Variants in ELMOD1 observed in about 807,000 individuals in gnomAD.
ELMOD1 encodes ELMO domain containing 1.
In ELMOD1, 21 loss-of-function variants were observed where a neutral mutation model predicts 46.7. The ratio of observed to expected loss-of-function variants is 0.45; its 90% CI spans 0.32 to 0.65. The LOEUF (loss-of-function observed/expected upper bound fraction) is 0.65. ELMOD1 is among the 30% of genes least tolerant of loss of function. The probability of loss-of-function intolerance (pLI) is 0.04; values close to 1 mark genes in which losing one functional copy is unlikely to be tolerated. For synonymous variants in ELMOD1, 122 were observed against 138.2 expected (o/e 0.88, Z 0.82); for missense variants, 348 against 407.8 (o/e 0.85, Z 1.26).
rs569909431 is a variant in ELMOD1, at chr11:107,625,542, C to T, written c.18-4875C>T. The T allele has an allele frequency of 5.1e-6, 5 of 985,360 alleles. No individual in the cohort carries two copies. The South Asian group carries it at 1.4e-4, about 28-fold the overall frequency. The allele number at this position is 985,360 out of a possible 1,614,324, so 61.0% of individuals were successfully genotyped here. A position where few individuals can be genotyped will look rare whatever the true frequency, so the allele number is the denominator to read the frequency against. On this transcript the variant is annotated intron_variant, in intron 2 of 11. Transcript: ENST00000265840. ...TAGTGTTGCATTACAGGTACCCACA[C>T]CCCCTCACCCCACAGGCAAGGGGCT...
At chr11:107,642,155 G>C (rs985081197) in intron 6 of ELMOD1, among the ~76,000 whole-genome samples, 26 of 151,752 alleles carry the variant, frequency 1.7e-4, no homozygotes, top group African/African-American at 6.3e-4. Flanking sequence ...TCTTAGCCAG[G>C]CTGATCTTGA....
chr11:107,621,119 T>G (rs1421148151), intron 2 of ELMOD1, among the ~76,000 whole-genome samples: 1 of 152,242 alleles, frequency 6.6e-6, no homozygotes, highest in Non-Finnish European at 1.5e-5. Context: ...TTTAAAGTTA[T>G]CAGAACATGA....
chr11:107,643,506 A>T (rs1207593708), intron 6 of ELMOD1: 1 of 375,072 alleles, frequency 2.7e-6, no homozygotes, highest in East Asian at 7.2e-5. Flanking sequence ...CAGCACCATC[A>T]AGTCTGTGTC....
intron 7 of ELMOD1, 89 bp from the exon 8 acceptor site, chr11:107,650,246 A>C: frequency 1.1e-6 from 1 of 929,152 alleles, no homozygotes. Flanking sequence ...CCATCTCTGG[A>C]TTCAAAATGA....
chr11:107,645,468 C>T (rs1340883451), intron 6 of ELMOD1, among the ~76,000 whole-genome samples: 1 of 152,082 alleles, frequency 6.6e-6, no homozygotes, highest in African/African-American at 2.4e-5. Context: ...GGATTATAGG[C>T]GCGGGCCACC....
At chr11:107,649,865 T>C (rs1484568631) in intron 7 of ELMOD1, among the ~76,000 whole-genome samples, 1 of 152,232 alleles carries the variant, frequency 6.6e-6, no homozygotes, top group Non-Finnish European at 1.5e-5. Context: ...AACATATCTA[T>C]GCTCAGTAAG....
intron 11 of ELMOD1, among the ~76,000 whole-genome samples, 193 bp downstream of exon 11, chr11:107,656,259 G>A (rs1379492005): frequency 4.6e-5 from 7 of 151,456 alleles, no homozygotes; most frequent in Non-Finnish European, 8.8e-5. Context: ...ATGGTGATGC[G>A]CACCTGTAAT....
chr11:107,649,672 T>C (rs1866492124), intron 7 of ELMOD1, among the ~76,000 whole-genome samples: 1 of 152,198 alleles, frequency 6.6e-6, no homozygotes, highest in African/African-American at 2.4e-5. Flanking sequence ...TTCAAGAACT[T>C]CTTTTACCCT....
chr11:107,626,713 A>G (rs930995215), intron 2 of ELMOD1, among the ~76,000 whole-genome samples: 2 of 150,048 alleles, frequency 1.3e-5, no homozygotes, highest in Non-Finnish European at 3.0e-5. Flanking sequence ...GCATTTACAG[A>G]TCTATTTCTT....
intron 4 of ELMOD1, among the ~76,000 whole-genome samples, 180 bp from the exon 5 acceptor site, chr11:107,631,400 C>CA (rs1210343981): frequency 3.3e-5 from 2 of 61,166 alleles, no homozygotes; most frequent in African/African-American, 1.9e-4. Context: ...TTGCACTACC[C>CA]CCCCCCCCAT....
chr11:107,644,274 C>A (rs1296229385), intron 6 of ELMOD1, among the ~76,000 whole-genome samples: 3 of 149,458 alleles, frequency 2.0e-5, no homozygotes, highest in South Asian at 4.3e-4. Context: ...CCAGCCTGGG[C>A]GGCAGAGTGA....
rs1291561893 is a variant in ELMOD1, at chr11:107,635,709, C to T, written c.364C>T (p.Leu122=). The change falls in exon 6 of 12, where the codon CTG becomes TTG. Residue 122 remains leucine (L), a synonymous_variant. Coordinates refer to ENST00000265840, the MANE Select transcript of ELMOD1 (RefSeq NM_018712.4). ...YRNLIADVEK[L]RREAYDSDNP... ...GAACCTTATTGCAGATGTGGAAAAA[C>T]TGCGTAGAGAGGCCTATGATTCTGA... 8.1e-6 allele frequency: 13 copies of T among 1,613,838 alleles called. No individual in the cohort carries two copies. Among genetic ancestry groups the T allele is most frequent in the Non-Finnish European group, 1.1e-5 (13 of 1,179,880 alleles).
chr11:107,665,179 A>T lies in ELMOD1; in HGVS notation c.987A>T (p.Glu329Asp), dbSNP rs751188558. 7 of 1,613,952 alleles carry T rather than the reference A, an allele frequency of 4.3e-6. No individual in the cohort carries two copies. Among genetic ancestry groups the T allele is most frequent in the Non-Finnish European group, 5.9e-6 (7 of 1,179,872 alleles). ...MALCPHFAASEGLINM is the reference protein window; with the variant it reads ...MALCPHFAASDGLINM ...TGTGCCCACATTTTGCTGCCTCGGA[A>T]GGTTTAATCAACATGTAGTTGCCCA... Residue 329 changes from glutamate (E) to aspartate (D), a missense_variant, in exon 12 of 12, where the codon GAA becomes GAT. Glu to Asp is a conservative substitution (Grantham distance 45). Transcript: ENST00000265840.
chr11:107,621,146 A>G (rs1047001736), intron 2 of ELMOD1, among the ~76,000 whole-genome samples: 1 of 152,240 alleles, frequency 6.6e-6, no homozygotes, highest in Non-Finnish European at 1.5e-5. Context: ...TTGGAAATTA[A>G]TAAAGGAAAA....
At chr11:107,615,229 C>CTTTTTTTTTTT (rs34461488) in intron 1 of ELMOD1, among the ~76,000 whole-genome samples, 5 of 81,132 alleles carry the variant, frequency 6.2e-5, no homozygotes, top group South Asian at 5.4e-4. Flanking sequence ...TTGTCAGCAT[C>CTTTTTTTTTTT]TTTTTTTTTT....
chr11:107,660,403 A>G (rs1348728688), intron 11 of ELMOD1, among the ~76,000 whole-genome samples: 1 of 152,226 alleles, frequency 6.6e-6, no homozygotes, highest in Non-Finnish European at 1.5e-5. Context: ...AATTGCATTC[A>G]GTCTAAAGCT....
At chr11:107,631,899 C>T (rs1866148002) in intron 5 of ELMOD1, among the ~76,000 whole-genome samples, 1 of 152,136 alleles carries the variant, frequency 6.6e-6, no homozygotes, top group African/African-American at 2.4e-5. Context: ...TTCTCAGATG[C>T]AAAGAATGTA....
chr11:107,600,602 C>T (rs1370350582), intron 1 of ELMOD1: 2 of 152,598 alleles, frequency 1.3e-5, no homozygotes, highest in African/African-American at 2.4e-5. Context: ...TGGTCCTAAA[C>T]GAAGGATTCA....
intron 5 of ELMOD1, 57 bp from the exon 6 acceptor site, chr11:107,635,579 G>C (rs1866214850): frequency 1.3e-6 from 2 of 1,564,246 alleles, no homozygotes; most frequent in South Asian, 1.2e-5. Context: ...GTGAACAAAT[G>C]CCAAAGTGAA....
Sources: gnomAD v4.1 joint callset for allele counts (sites outside exome capture counted in the v4.1 genomes callset) on GRCh38, gnomAD v4.1.1 for gene constraint, MANE v1.5 for transcripts, NCBI Gene and HGNC (gene_info 2026-07-23, HGNC 2026-07-21) for gene names.